WWOX: variants seen among roughly 807,000 people sequenced by gnomAD.
WWOX encodes the protein WW domain-containing oxidoreductase.
Under a neutral mutation model 46.2 loss-of-function variants are expected in WWOX, and 69 were observed. The ratio of observed to expected loss-of-function variants is 1.49; its 90% CI spans 1.23 to 1.82. The LOEUF (loss-of-function observed/expected upper bound fraction) is 1.82. WWOX is among the 40% of genes most tolerant of loss of function. The pLI, the probability that WWOX is intolerant of heterozygous loss-of-function variation, is 0.00. For missense variants in WWOX, 919 were observed against 542.6 expected (o/e 1.69, Z -6.89); for synonymous variants, 359 against 202.6 (o/e 1.77, Z -6.56).
chr16:79,179,892 G>C (rs1181649639), intron 8 of WWOX, among the ~76,000 whole-genome samples: 1 of 152,172 alleles, frequency 6.6e-6, no homozygotes, highest in Non-Finnish European at 1.5e-5. Flanking sequence ...TTTGATTTAG[G>C]TTGGAATTAC....
At chr16:78,829,842 C>G (rs572963075) in intron 8 of WWOX, among the ~76,000 whole-genome samples, 1 of 152,142 alleles carries the variant, frequency 6.6e-6, no homozygotes, top group Non-Finnish European at 1.5e-5. Context: ...TAGCATTTTT[C>G]TTTGAGTAGT....
At chr16:79,003,107 AC>A (rs1488634131) in intron 8 of WWOX, among the ~76,000 whole-genome samples, 2 of 152,092 alleles carry the variant, frequency 1.3e-5, no homozygotes, top group Non-Finnish European at 2.9e-5. Flanking sequence ...TCCTTCCAGA[AC>A]CCTCTTTTGC....
At chr16:78,289,115 G>A (rs1015257267) in intron 5 of WWOX, among the ~76,000 whole-genome samples, 3 of 152,176 alleles carry the variant, frequency 2.0e-5, no homozygotes, top group African/African-American at 7.2e-5. Flanking sequence ...AAGTCTTGCT[G>A]GGAACCTGGA....
At chr16:78,942,107 A>G (rs1324738321) in intron 8 of WWOX, among the ~76,000 whole-genome samples, 2 of 152,152 alleles carry the variant, frequency 1.3e-5, no homozygotes, top group Non-Finnish European at 2.9e-5. Flanking sequence ...TATGACTGTG[A>G]TTCTAACACG....
chr16:79,157,676 A>G (rs2050408288), intron 8 of WWOX, among the ~76,000 whole-genome samples: 1 of 152,188 alleles, frequency 6.6e-6, no homozygotes, highest in Admixed American at 6.5e-5. Context: ...ACCACTGAAA[A>G]GACAGTTTGT....
intron 8 of WWOX, among the ~76,000 whole-genome samples, chr16:79,083,691 C>T (rs8043869): frequency 2.6e-5 from 4 of 152,152 alleles, no homozygotes; most frequent in Non-Finnish European, 2.9e-5. Context: ...TATACTGCTA[C>T]GGTAAACCGA....
chr16:78,102,656 G>A (rs1314656266), intron 1 of WWOX, among the ~76,000 whole-genome samples: 1 of 152,188 alleles, frequency 6.6e-6, no homozygotes, highest in Non-Finnish European at 1.5e-5. Context: ...AACTGTGGGT[G>A]TCCCCTCGAC....
chr16:78,941,128 G>A (rs1425362128), intron 8 of WWOX, among the ~76,000 whole-genome samples: 1 of 152,076 alleles, frequency 6.6e-6, no homozygotes. Context: ...AAGCGTTCTT[G>A]CAGTTAGATT....
At chr16:78,646,571 G>GT (rs1294261719) in intron 8 of WWOX, among the ~76,000 whole-genome samples, 1 of 152,026 alleles carries the variant, frequency 6.6e-6, no homozygotes, top group Non-Finnish European at 1.5e-5. Flanking sequence ...GGAATTACAC[G>GT]TATGTACCAC....
intron 8 of WWOX, among the ~76,000 whole-genome samples, chr16:78,610,284 G>C (rs772214461): frequency 1.3e-5 from 2 of 152,126 alleles, no homozygotes; most frequent in African/African-American, 2.4e-5. Context: ...TAGAAGGTTA[G>C]ATGTGGCATT....
chr16:78,679,237 C>G (rs1049538244), intron 8 of WWOX, among the ~76,000 whole-genome samples: 1 of 152,032 alleles, frequency 6.6e-6, no homozygotes, highest in Non-Finnish European at 1.5e-5. Flanking sequence ...ACCATGATGG[C>G]GTTGAGGTAG....
At chr16:79,105,437 T>C (rs947624112) in intron 8 of WWOX, among the ~76,000 whole-genome samples, 5 of 152,142 alleles carry the variant, frequency 3.3e-5, no homozygotes, top group African/African-American at 9.7e-5. Context: ...CTTATCCCTG[T>C]CCCTGTCTAC....
At chr16:79,207,597 C>T (rs2051559934) in intron 8 of WWOX, among the ~76,000 whole-genome samples, 1 of 152,178 alleles carries the variant, frequency 6.6e-6, no homozygotes, top group Non-Finnish European at 1.5e-5. Context: ...ATAGATATGC[C>T]ATGATATTGT....
At chr16:78,638,661 C>T (rs767593302) in intron 8 of WWOX, among the ~76,000 whole-genome samples, 12 of 152,116 alleles carry the variant, frequency 7.9e-5, no homozygotes, top group Non-Finnish European at 1.3e-4. Context: ...GAGGGAAGGG[C>T]GGGGGCGGTC....
intron 8 of WWOX, among the ~76,000 whole-genome samples, chr16:79,097,448 T>A (rs1471276860): frequency 6.6e-6 from 1 of 152,054 alleles, no homozygotes; most frequent in Non-Finnish European, 1.5e-5. Flanking sequence ...ACCAACGCTG[T>A]GATCTAATAG....
rs147916301 is a variant in WWOX, at chr16:78,458,441, T to C, written c.1056+25689T>C. On this transcript the variant is annotated intron_variant, in intron 8 of 8. Coordinates refer to ENST00000566780, the MANE Select transcript of WWOX (RefSeq NM_016373.4). ...TGTTCGGCTAATGTTTTTAATTTTTTATAGAGACAAGGTTTCCCTATGTTG... is the reference window on the plus strand; with the variant it reads ...TGTTCGGCTAATGTTTTTAATTTTTCATAGAGACAAGGTTTCCCTATGTTG... Among the ~76,000 whole-genome samples the C allele has an allele frequency of 2.4e-4, 37 of 152,036 alleles. No homozygotes were observed. The East Asian group carries it at 6.4e-3, about 26-fold the overall frequency.
intron 8 of WWOX, chr16:78,891,275 G>C (rs2044584883): frequency 6.6e-6 from 1 of 152,056 alleles, no homozygotes. Context: ...GTAAATCTCA[G>C]CCTAGTGCTT....
chr16:79,024,874 G>C (rs1204980179), intron 8 of WWOX, among the ~76,000 whole-genome samples: 3 of 152,186 alleles, frequency 2.0e-5, no homozygotes, highest in Non-Finnish European at 4.4e-5. Flanking sequence ...CTGGCCGCTG[G>C]AAATACATTT....
chr16:78,314,101 G>A (rs1483157605), intron 5 of WWOX, among the ~76,000 whole-genome samples: 1 of 152,008 alleles, frequency 6.6e-6, no homozygotes, highest in East Asian at 1.9e-4. Flanking sequence ...AAAACACAAA[G>A]CACTTCTAAG....
Sources: allele counts gnomAD v4.1 joint callset (sites outside exome capture counted in the v4.1 genomes callset), GRCh38; gene constraint gnomAD v4.1.1; transcripts MANE v1.5; gene names NCBI Gene and HGNC (gene_info 2026-07-23, HGNC 2026-07-21).